Variants in WDPCP observed in about 807,000 individuals in gnomAD.
WDPCP encodes WD repeat containing planar cell polarity effector.
In WDPCP, 71 loss-of-function variants were observed where a neutral mutation model predicts 93.1. The observed-to-expected ratio is 0.76, with a 90% confidence interval of 0.63 to 0.93. The LOEUF (loss-of-function observed/expected upper bound fraction) is 0.93. Among genes scored for constraint, WDPCP ranks in the 40% least tolerant of loss-of-function variants. WDPCP has a pLI of 0.00. For synonymous variants in WDPCP, 315 were observed against 315.0 expected, an observed-to-expected ratio of 1.00 and a Z score of 0.00; for missense variants, 844 against 887.4, an observed-to-expected ratio of 0.95 and a Z score of 0.62.
In WDPCP at chr2:63,437,572, A is replaced by G. The variant is rs771243278; in HGVS notation, c.500-18T>C. The stretch of plus-strand genomic sequence containing the variant: ...GAGAAGAGCTAAAAAACATAATTAG[A>G]TATTACCAAGTTAGAATAAAATAAT... On this transcript the variant is annotated intron_variant, in intron 7 of 17. Coordinates refer to ENST00000272321, the MANE Select transcript of WDPCP (RefSeq NM_015910.7). The G allele has an allele frequency of 1.9e-6, 3 of 1,565,358 alleles. No individual in the cohort carries two copies. The highest frequency in any genetic ancestry group is 2.6e-6 in the Non-Finnish European group (3 of 1,152,086).
chr2:63,492,269 A>G (rs1700928402), intron 2 of WDPCP, among the ~76,000 whole-genome samples: 1 of 152,154 alleles, frequency 6.6e-6, no homozygotes, highest in African/African-American at 2.4e-5. Flanking sequence ...TCGTATGTTA[A>G]TAAGCATTGT....
chr2:63,482,332 T>C (rs114998213), intron 6 of WDPCP, among the ~76,000 whole-genome samples: 378 of 152,112 alleles, frequency 2.5e-3, no homozygotes, highest in African/African-American at 7.9e-3. Flanking sequence ...CATGAAGATG[T>C]TGATGAACTT....
At chr2:63,587,802 T>G (rs1708971023) in intron 1 of WDPCP, among the ~76,000 whole-genome samples, 1 of 152,244 alleles carries the variant, frequency 6.6e-6, no homozygotes, top group Non-Finnish European at 1.5e-5. Context: ...CTGTTTGGCA[T>G]AACTTTAAGA....
intron 3 of WDPCP, among the ~76,000 whole-genome samples, chr2:63,633,672 G>C (rs185761827): frequency 1.3e-5 from 2 of 152,022 alleles, no homozygotes; most frequent in Admixed American, 1.3e-4. Flanking sequence ...CAGGAAAGAA[G>C]GAAGAAAGGA....
chr2:63,599,036 C>A, intron 3 of WDPCP: 1 of 652,800 alleles, frequency 1.5e-6, no homozygotes, highest in South Asian at 4.0e-5. Flanking sequence ...TTTTCCTATG[C>A]TATATTGTAT....
In WDPCP at chr2:63,395,473, G is replaced by T. The variant is rs947987414; in HGVS notation, c.1435+8575C>A. Among the ~76,000 whole-genome samples, 3 of 152,120 alleles carry T rather than the reference G, an allele frequency of 2.0e-5. No homozygotes were observed. In the South Asian group the frequency reaches 6.2e-4, roughly 31 times the overall value. ...CTGTTTAGCTCCCACCTATAAATGAGAATGTGCAGTTTTTGACTTTGTTTT... is the reference window on the plus strand; with the variant it reads ...CTGTTTAGCTCCCACCTATAAATGATAATGTGCAGTTTTTGACTTTGTTTT... On this transcript the variant is annotated intron_variant, in intron 10 of 17. Transcript: ENST00000272321.
rs144481341 is a variant in WDPCP, at chr2:63,213,501, A to C, written c.1916-38669T>G. Among the ~76,000 whole-genome samples, 58 of 152,342 alleles carry C rather than the reference A, an allele frequency of 3.8e-4. 1 individual carries two copies. The East Asian group carries it at 8.5e-3, about 22-fold the overall frequency. On this transcript the variant is annotated intron_variant, in intron 14 of 17. Coordinates refer to ENST00000272321, the MANE Select transcript of WDPCP (RefSeq NM_015910.7). ...GTGGAGAGGGAAACTTATAGCACTA[A>C]ATGCCCACAAGAGAAAGCAGGAAAG...
intron 17 of WDPCP, among the ~76,000 whole-genome samples, chr2:63,134,948 C>T (rs1354341589): frequency 6.6e-6 from 1 of 152,090 alleles, no homozygotes; most frequent in Admixed American, 6.5e-5. Context: ...CAAGGTGAAA[C>T]CCTGTCTCTA....
At chr2:63,820,038 T>G (rs2104122277) in intron 1 of WDPCP, among the ~76,000 whole-genome samples, 1 of 152,254 alleles carries the variant, frequency 6.6e-6, no homozygotes, top group Admixed American at 6.5e-5. Flanking sequence ...CATGTGTTCA[T>G]TTTCTTCCCA....
At chr2:63,247,719 A>ACTT (rs967875301) in intron 14 of WDPCP, among the ~76,000 whole-genome samples, 5 of 151,350 alleles carry the variant, frequency 3.3e-5, no homozygotes, top group Admixed American at 6.6e-5. Flanking sequence ...AATCCAAAAT[A>ACTT]CTTCTGGTAA....
chr2:63,468,798 G>T (rs947132092), intron 6 of WDPCP, among the ~76,000 whole-genome samples: 2 of 151,866 alleles, frequency 1.3e-5, no homozygotes, highest in Admixed American at 1.3e-4. Context: ...TCCCTGCATT[G>T]ATTTCCCTCT....
At chr2:63,658,598 C>T (rs1189157613) in intron 2 of WDPCP, among the ~76,000 whole-genome samples, 4 of 152,156 alleles carry the variant, frequency 2.6e-5, no homozygotes, top group African/African-American at 9.7e-5. Context: ...ATCAGAAAAT[C>T]AAAACATTAT....
chr2:63,809,663 G>A (rs1670832603), intron 2 of WDPCP, among the ~76,000 whole-genome samples: 1 of 151,882 alleles, frequency 6.6e-6, no homozygotes, highest in Non-Finnish European at 1.5e-5. Context: ...AGGGTTAAAT[G>A]GATTAAGGGC....
At chr2:63,793,602 C>G (rs1670575053) in intron 2 of WDPCP, among the ~76,000 whole-genome samples, 1 of 152,090 alleles carries the variant, frequency 6.6e-6, no homozygotes, top group African/African-American at 2.4e-5. Flanking sequence ...CAGAGCAAGA[C>G]TCTTTTATTA....
chr2:63,585,299 T>C (rs1308556880), intron 1 of WDPCP, among the ~76,000 whole-genome samples: 1 of 152,176 alleles, frequency 6.6e-6, no homozygotes, highest in Non-Finnish European at 1.5e-5. Flanking sequence ...AGAAATTACT[T>C]GAGAATACTT....
At chr2:63,320,310 C>A (rs1027602333) in intron 12 of WDPCP, among the ~76,000 whole-genome samples, 1 of 151,904 alleles carries the variant, frequency 6.6e-6, no homozygotes, top group South Asian at 2.1e-4. Flanking sequence ...AGAACTACAC[C>A]GTAAGAAAGA....
intron 14 of WDPCP, chr2:63,228,387 C>CTTTTTTTTTTTTTTTTTTTTTTTTTT: frequency 9.1e-6 from 1 of 110,432 alleles, no homozygotes; most frequent in African/African-American, 3.5e-5. Flanking sequence ...TTTTCTTTTT[C>CTTTTTTTTTTTTTTTTTTTTTTTTTT]TTTTTTTTTT....
intron 7 of WDPCP, among the ~76,000 whole-genome samples, chr2:63,438,487 T>C (rs1014505792): frequency 6.6e-6 from 1 of 152,098 alleles, no homozygotes; most frequent in Non-Finnish European, 1.5e-5. Context: ...AGTTTCCTTT[T>C]AATTCTCATT....
At chr2:63,193,410 G>A (rs1367807120) in intron 14 of WDPCP, among the ~76,000 whole-genome samples, 1 of 152,196 alleles carries the variant, frequency 6.6e-6, no homozygotes, top group East Asian at 1.9e-4. Context: ...GATCAAGAGA[G>A]CAAACCAACA....
Sources: gnomAD v4.1 joint callset for allele counts (sites outside exome capture counted in the v4.1 genomes callset) on GRCh38, gnomAD v4.1.1 for gene constraint, MANE v1.5 for transcripts, NCBI Gene and HGNC (gene_info 2026-07-23, HGNC 2026-07-21) for gene names.